Variants in SLC39A10 observed in about 807,000 individuals in gnomAD.
SLC39A10 encodes zinc transporter ZIP10.
A neutral mutation model predicts 65.1 loss-of-function variants in SLC39A10; 13 were observed. The ratio of observed to expected loss-of-function variants is 0.20; its 90% CI spans 0.13 to 0.32. SLC39A10 has a LOEUF of 0.32. Among genes scored for constraint, SLC39A10 ranks in the 10% least tolerant of loss-of-function variants. SLC39A10 has a pLI of 1.00. For synonymous variants in SLC39A10, 321 were observed against 342.2 expected, an observed-to-expected ratio of 0.94 and a Z score of 0.68; for missense variants, 831 against 1,018.4, an observed-to-expected ratio of 0.82 and a Z score of 2.50.
chr2:195,730,882 C>T (rs1396293481), intron 9 of SLC39A10, among the ~76,000 whole-genome samples: 1 of 152,144 alleles, frequency 6.6e-6, no homozygotes, highest in East Asian at 1.9e-4. Context: ...TGAGTGTTGT[C>T]CTTTGACTCA....
At chr2:195,649,571 A>T (rs368070138) in intron 2 of SLC39A10, among the ~76,000 whole-genome samples, 1 of 152,254 alleles carries the variant, frequency 6.6e-6, no homozygotes, top group South Asian at 2.1e-4. Context: ...AATTTCAACC[A>T]GTTTAACAAA....
intron 2 of SLC39A10, among the ~76,000 whole-genome samples, chr2:195,636,064 G>T (rs1263517251): frequency 6.6e-6 from 1 of 152,130 alleles, no homozygotes; most frequent in Non-Finnish European, 1.5e-5. Flanking sequence ...ATTTCACTTT[G>T]TAATTAACCT....
At chr2:195,613,974 A>C (rs1248206334) in intron 2 of SLC39A10, among the ~76,000 whole-genome samples, 1 of 152,114 alleles carries the variant, frequency 6.6e-6, no homozygotes, top group Non-Finnish European at 1.5e-5. Context: ...TTCTGTCTCC[A>C]ATCTCAGTGG....
intron 2 of SLC39A10, among the ~76,000 whole-genome samples, chr2:195,627,323 G>T (rs1195854742): frequency 2.0e-5 from 3 of 152,022 alleles, no homozygotes; most frequent in Non-Finnish European, 2.9e-5. Flanking sequence ...AAGCAAAATA[G>T]CTACAACTTC....
intron 2 of SLC39A10, among the ~76,000 whole-genome samples, chr2:195,624,528 A>C (rs952072900): frequency 3.3e-5 from 5 of 152,124 alleles, no homozygotes; most frequent in South Asian, 2.1e-4. Context: ...AAGATACAAG[A>C]TACGGTGATT....
Position 195,680,913 on chromosome 2 carries a change from G to T in SLC39A10, c.871G>T (p.Gly291Cys). ...HLPERNGHDP[G>C]RGHQDLDPDN... ...TCCAGAACGTAATGGTCATGATCCT[G>T]GTCGTGGACACCAAGATCTTGATCC... Residue 291 changes from glycine (G) to cysteine (C), a missense_variant, in exon 2 of 10, where the codon GGT (glycine) becomes TGT (cysteine). Transcript: ENST00000359634. The T allele has an allele frequency of 6.2e-7, 1 of 1,613,994 alleles. No homozygotes were observed. Among genetic ancestry groups the T allele is most frequent in the African/African-American group, 1.3e-5 (1 of 74,976 alleles).
intron 3 of SLC39A10, among the ~76,000 whole-genome samples, chr2:195,705,372 A>AT (rs1691361712): frequency 6.6e-6 from 1 of 152,174 alleles, no homozygotes; most frequent in Admixed American, 6.6e-5. Context: ...TTAGTGATAG[A>AT]TTATCTATTG....
intron 1 of SLC39A10, chr2:195,657,573 G>T (rs1265994557): frequency 4.1e-6 from 4 of 983,836 alleles, no homozygotes; most frequent in Non-Finnish European, 4.8e-6. Context: ...TCCACTTCGC[G>T]TGCGGAGCCT....
chr2:195,627,102 T>C (rs1688489283), intron 2 of SLC39A10, among the ~76,000 whole-genome samples: 1 of 152,226 alleles, frequency 6.6e-6, no homozygotes, highest in African/African-American at 2.4e-5. Flanking sequence ...ATATTACTTT[T>C]CTGAATTAAA....
At chr2:195,711,454 G>A (rs777217443) in intron 5 of SLC39A10, among the ~76,000 whole-genome samples, 4 of 152,174 alleles carry the variant, frequency 2.6e-5, no homozygotes, top group Non-Finnish European at 5.9e-5. Flanking sequence ...GATGCAGGGA[G>A]TGTTCTCTAA....
At position 195,674,242 on chromosome 2, in the gene SLC39A10, G is replaced by A. The variant is rs1476544117; in HGVS notation, c.-11-5790G>A. Among the ~76,000 whole-genome samples, 11 of 152,000 alleles carry A rather than the reference G, an allele frequency of 7.2e-5. 2 individuals are homozygous for A. The South Asian group carries it at 2.3e-3, about 31-fold the overall frequency. ...AATGATGAGCATTTAGGTTGTAGCAGGCAACATAATGGTTACACAGCTGAC... is the reference window on the plus strand; with the variant it reads ...AATGATGAGCATTTAGGTTGTAGCAAGCAACATAATGGTTACACAGCTGAC... On this transcript the variant is annotated intron_variant, in intron 1 of 9. Transcript: ENST00000359634.
intron 4 of SLC39A10, 42 bp downstream of exon 4, chr2:195,706,827 A>C (rs765959867): frequency 8.0e-6 from 11 of 1,375,340 alleles, no homozygotes; most frequent in Non-Finnish European, 1.0e-5. Context: ...TAAAATAAAA[A>C]TATTTAAGCT....
Position 195,680,502 on chromosome 2 carries a change from G to A in SLC39A10, c.460G>A (p.Asp154Asn), listed in dbSNP as rs376068664. 1.2e-4 allele frequency: 189 copies of A among 1,614,020 alleles called. No individual in the cohort carries two copies. The highest frequency in any genetic ancestry group is 1.5e-4 in the Non-Finnish European group (181 of 1,180,044). ...SVSTKRNHKC[D>N]PEKETVEVSV... ...ATCCACAAAAAGAAACCATAAATGT[G>A]ATCCAGAGAAAGAGACAGTTGAAGT... Residue 154 changes from aspartate to asparagine, a missense_variant, in exon 2 of 10, where the codon GAT (aspartate) becomes AAT (asparagine). By Grantham distance (23) the Asp-to-Asn change is conservative. Transcript: ENST00000359634.
chr2:195,659,100 C>T lies in SLC39A10; in HGVS notation c.-12+1819C>T, dbSNP rs78456147. On this transcript the variant is annotated intron_variant, in intron 1 of 9. Transcript: ENST00000359634. ...CTGTAATTTTTGCCTGCATTCGTAA[C>T]TGAAGAGATAAGTAAATGTCAGAGG... 1.0e-2 allele frequency among the ~76,000 whole-genome samples: 1,516 copies of T among 152,270 alleles called. 35 individuals carry two copies. The highest frequency in any genetic ancestry group is 0.07 in the East Asian group (361 of 5,190).
chr2:195,645,026 C>T (rs1688884905), intron 2 of SLC39A10, among the ~76,000 whole-genome samples: 1 of 151,932 alleles, frequency 6.6e-6, no homozygotes, highest in Non-Finnish European at 1.5e-5. Context: ...TCTCCTGCCT[C>T]AGCCGCCCTA....
intron 3 of SLC39A10, among the ~76,000 whole-genome samples, chr2:195,699,107 A>G (rs968489105): frequency 6.6e-6 from 1 of 152,002 alleles, no homozygotes; most frequent in Admixed American, 6.6e-5. Flanking sequence ...GTATTCTATT[A>G]TAATCCTTTT....
intron 2 of SLC39A10, among the ~76,000 whole-genome samples, chr2:195,627,188 A>G (rs1455542832): frequency 6.6e-6 from 1 of 152,204 alleles, no homozygotes; most frequent in Admixed American, 6.5e-5. Context: ...TAATGACTCT[A>G]GAGAGTTTAG....
At chr2:195,699,387 T>G (rs939589493) in intron 3 of SLC39A10, among the ~76,000 whole-genome samples, 2 of 100,376 alleles carry the variant, frequency 2.0e-5, no homozygotes, top group Admixed American at 1.9e-4. Context: ...AGTTTTTGGT[T>G]TGAGATCTTA....
intron 8 of SLC39A10, among the ~76,000 whole-genome samples, chr2:195,726,867 G>A (rs562770483): frequency 6.6e-6 from 1 of 152,194 alleles, no homozygotes; most frequent in African/African-American, 2.4e-5. Context: ...ATTCTGTATC[G>A]CACCTTGCAT....
Sources: allele counts gnomAD v4.1 joint callset (sites outside exome capture counted in the v4.1 genomes callset), GRCh38; gene constraint gnomAD v4.1.1; transcripts MANE v1.5; gene names NCBI Gene and HGNC (gene_info 2026-07-23, HGNC 2026-07-21).